Variants in DLG2 observed in about 807,000 individuals in gnomAD.
DLG2 encodes disks large homolog 2.
In DLG2, 45 loss-of-function variants were observed where a neutral mutation model predicts 132.5. That is an observed-to-expected ratio of 0.34 (90% CI 0.27 to 0.44). The LOEUF is 0.44. Ranked by LOEUF, DLG2 falls within the 20% of genes least tolerant of loss-of-function variation. The pLI, the probability that DLG2 is intolerant of heterozygous loss-of-function variation, is 1.00. For synonymous variants in DLG2, 424 were observed against 419.6 expected, an observed-to-expected ratio of 1.01 and a Z score of -0.13; for missense variants, 1,045 against 1,196.9, an observed-to-expected ratio of 0.87 and a Z score of 1.87.
At chr11:85,614,429 T>A (rs1591326786) in intron 2 of DLG2, among the ~76,000 whole-genome samples, 1 of 151,414 alleles carries the variant, frequency 6.6e-6, no homozygotes, top group Admixed American at 6.6e-5. Flanking sequence ...ATACCTGAGG[T>A]CAGGAGTTCA....
chr11:84,317,404 T>C lies in DLG2; in HGVS notation c.520-66113A>G. 4 of 1,314,210 alleles carry C rather than the reference T, an allele frequency of 3.0e-6. No individual in the cohort carries two copies. In the South Asian group the frequency reaches 7.2e-5, roughly 24 times the overall value. 81.4% of individuals were successfully genotyped at this position (1,314,210 alleles called of 1,614,324 possible). On this transcript the variant is annotated intron_variant, in intron 7 of 27. Coordinates refer to ENST00000376104, the MANE Select transcript of DLG2 (RefSeq NM_001142699.3). ...GAGCAACTTGACAGTATCCCTGCTCTAGGCAGAAGCAATCAATGCTCCACA... is the reference window on the plus strand; with the variant it reads ...GAGCAACTTGACAGTATCCCTGCTCCAGGCAGAAGCAATCAATGCTCCACA...
In DLG2 at chr11:84,772,624, A is replaced by G. The variant is rs147247218; in HGVS notation, c.358-237893T>C. On this transcript the variant is annotated intron_variant, in intron 6 of 27. Transcript: ENST00000376104. ...TTGGACCACAGTGAGATAAAAAAAG[A>G]AACCAATACCAAGACGAACTCTCAA... is the stretch of plus-strand genomic sequence containing the variant. Among the ~76,000 whole-genome samples, 186 of 152,340 alleles carry G rather than the reference A, an allele frequency of 1.2e-3. 1 individual carries two copies. In the East Asian group the frequency reaches 0.032, roughly 26 times the overall value.
chr11:85,517,376 C>T (rs1403586229), intron 3 of DLG2, among the ~76,000 whole-genome samples: 1 of 152,046 alleles, frequency 6.6e-6, no homozygotes, highest in Non-Finnish European at 1.5e-5. Flanking sequence ...TGAAACAAGA[C>T]AATGACTCCT....
chr11:84,002,051 G>A (rs2094375189), intron 11 of DLG2, among the ~76,000 whole-genome samples: 1 of 152,124 alleles, frequency 6.6e-6, no homozygotes, highest in South Asian at 2.1e-4. Flanking sequence ...AACCGAAATA[G>A]AGAAATAATA....
At chr11:84,058,576 A>C (rs2096542553) in intron 11 of DLG2, among the ~76,000 whole-genome samples, 1 of 150,672 alleles carries the variant, frequency 6.6e-6, no homozygotes, top group African/African-American at 2.4e-5. Context: ...AGTCCCAGCT[A>C]TTTGAGAGGC....
At chr11:84,255,733 G>A (rs916207708) in intron 7 of DLG2, among the ~76,000 whole-genome samples, 2 of 151,908 alleles carry the variant, frequency 1.3e-5, no homozygotes, top group African/African-American at 4.8e-5. Flanking sequence ...TCCATTAACT[G>A]GAAGGAGATT....
At chr11:83,953,962 C>T (rs1221383892) in intron 14 of DLG2, among the ~76,000 whole-genome samples, 1 of 152,158 alleles carries the variant, frequency 6.6e-6, no homozygotes, top group Non-Finnish European at 1.5e-5. Flanking sequence ...GAACTTACTC[C>T]ATTAAAAATG....
intron 6 of DLG2, among the ~76,000 whole-genome samples, chr11:84,857,795 G>C (rs1472595277): frequency 1.3e-5 from 2 of 151,902 alleles, no homozygotes; most frequent in Non-Finnish European, 2.9e-5. Context: ...TCTTTGGCCT[G>C]TTGTTTGGAT....
At chr11:84,968,665 G>A (rs752118066) in intron 6 of DLG2, among the ~76,000 whole-genome samples, 1 of 150,626 alleles carries the variant, frequency 6.6e-6, no homozygotes, top group African/African-American at 2.4e-5. Flanking sequence ...TTTTATACAT[G>A]TTAAAATGTT....
chr11:84,028,645 C>G (rs189727884), intron 11 of DLG2, among the ~76,000 whole-genome samples: 1 of 152,182 alleles, frequency 6.6e-6, no homozygotes, highest in East Asian at 1.9e-4. Context: ...CCCATTCTTA[C>G]TCCTTACCAT....
chr11:84,418,976 A>T (rs2098939332), intron 7 of DLG2, among the ~76,000 whole-genome samples: 1 of 152,214 alleles, frequency 6.6e-6, no homozygotes, highest in Non-Finnish European at 1.5e-5. Flanking sequence ...TTGGAGACAC[A>T]AATTGCTTGC....
At chr11:84,917,478 A>C (rs1359717065) in intron 6 of DLG2, among the ~76,000 whole-genome samples, 2 of 152,242 alleles carry the variant, frequency 1.3e-5, no homozygotes, top group African/African-American at 4.8e-5. Flanking sequence ...AGGTGACTTC[A>C]CTGGCACTTA....
intron 4 of DLG2, among the ~76,000 whole-genome samples, chr11:85,232,464 A>G (rs2075353436): frequency 6.6e-6 from 1 of 151,946 alleles, no homozygotes; most frequent in African/African-American, 2.4e-5. Flanking sequence ...AGTCTAATTT[A>G]ATTTTTAATT....
chr11:85,034,172 G>C (rs888833624), intron 6 of DLG2, among the ~76,000 whole-genome samples: 4 of 151,624 alleles, frequency 2.6e-5, no homozygotes, highest in South Asian at 2.1e-4. Flanking sequence ...CCACCTCCCA[G>C]GTTCACGCCA....
At chr11:84,642,067 T>TGTGTGTGTGTGTGTGTATATGTAGA (rs971476228) in intron 6 of DLG2, among the ~76,000 whole-genome samples, 13 of 130,274 alleles carry the variant, frequency 1.0e-4, no homozygotes, top group Middle Eastern at 8.2e-3. Context: ...TACGCACGCG[T>TGTGTGTGTGTGTGTGTATATGTAGA]GTGTGTGTGT....
At chr11:84,512,507 G>A (rs2099259795) in intron 7 of DLG2, among the ~76,000 whole-genome samples, 1 of 152,058 alleles carries the variant, frequency 6.6e-6, no homozygotes, top group Non-Finnish European at 1.5e-5. Flanking sequence ...TTGAACAAGA[G>A]TTGTTTCTCA....
At chr11:85,287,386 G>C (rs1380670930) in intron 3 of DLG2, among the ~76,000 whole-genome samples, 1 of 152,046 alleles carries the variant, frequency 6.6e-6, no homozygotes, top group Non-Finnish European at 1.5e-5. Context: ...CACAGTAAAA[G>C]AAATACATGT....
Position 83,493,605 on chromosome 11 carries a change from AT to A in DLG2, c.2194-9378del, listed in dbSNP as rs1481524177. On this transcript the variant is annotated intron_variant, in intron 21 of 27. Coordinates refer to ENST00000376104, the MANE Select transcript of DLG2 (RefSeq NM_001142699.3). ...TCCAACTCCTTTTGTGTTTCCCCAC[AT>A]TCTGGCCTTTATTGCTCTCTATTTT... Among the ~76,000 whole-genome samples the A allele has an allele frequency of 2.0e-5, 3 of 152,232 alleles. No individual in the cohort carries two copies. The East Asian group carries it at 5.8e-4, about 29-fold the overall frequency.
At chr11:83,843,177 T>G (rs931948359) in intron 16 of DLG2, among the ~76,000 whole-genome samples, 2 of 152,218 alleles carry the variant, frequency 1.3e-5, no homozygotes, top group Non-Finnish European at 2.9e-5. Context: ...TTGTATTTCA[T>G]ATTTCAGCCT....
Sources: allele counts gnomAD v4.1 joint callset (sites outside exome capture counted in the v4.1 genomes callset), GRCh38; gene constraint gnomAD v4.1.1; transcripts MANE v1.5; gene names NCBI Gene and HGNC (gene_info 2026-07-23, HGNC 2026-07-21).